ACTR3C: variants seen among roughly 807,000 people sequenced by gnomAD.
ACTR3C encodes the protein actin related protein 3C.
Under a neutral mutation model 26.3 loss-of-function variants are expected in ACTR3C, and 18 were observed. The ratio of observed to expected loss-of-function variants is 0.68; its 90% CI spans 0.47 to 1.01. The LOEUF is 1.01. ACTR3C is among the 50% of genes least tolerant of loss of function. ACTR3C has a pLI of 0.00. For synonymous variants in ACTR3C, 55 were observed against 94.5 expected (o/e 0.58, Z 2.42); for missense variants, 184 against 250.7 (o/e 0.73, Z 1.80).
chr7:150,229,370 T>C, the ACTR3C span, among the ~76,000 whole-genome samples: 1 of 152,216 alleles, frequency 6.6e-6, no homozygotes, highest in Non-Finnish European at 1.5e-5. Flanking sequence ...ATTCCTAATT[T>C]TCTGAAAGTT....
intron 6 of ACTR3C, among the ~76,000 whole-genome samples, chr7:150,270,802 C>A (rs150940791): frequency 0.15 from 22,118 of 149,348 alleles, 1,431 homozygotes; most frequent in South Asian, 0.28. Flanking sequence ...CACTGCTCAC[C>A]GTCTAGCTGC....
At chr7:150,036,853 G>A in the ACTR3C span, among the ~76,000 whole-genome samples, 2 of 122,116 alleles carry the variant, frequency 1.6e-5, no homozygotes, top group African/African-American at 5.8e-5. Context: ...ACGATGGGGG[G>A]TCCTAAGCCA....
At chr7:150,048,399 C>T in the ACTR3C span, among the ~76,000 whole-genome samples, 25 of 152,018 alleles carry the variant, frequency 1.6e-4, no homozygotes, top group Non-Finnish European at 8.8e-5. Context: ...GTTGGCAGCC[C>T]GGAGAGGGCA....
At chr7:150,229,216 T>C in the ACTR3C span, among the ~76,000 whole-genome samples, 2 of 151,878 alleles carry the variant, frequency 1.3e-5, no homozygotes, top group Non-Finnish European at 2.9e-5. Context: ...AATTCCTGTA[T>C]GATGTTGAAT....
chr7:150,043,062 C>T, the ACTR3C span, among the ~76,000 whole-genome samples: 1 of 150,886 alleles, frequency 6.6e-6, no homozygotes, highest in Non-Finnish European at 1.5e-5. Context: ...CCCACAGCTC[C>T]TAAGAATTCT....
In ACTR3C at chr7:150,293,346, T is replaced by G; in HGVS notation, c.119A>C (p.Asp40Ala). 1 of 1,603,370 alleles carries G rather than the reference T, an allele frequency of 6.2e-7. No homozygotes were observed. The highest frequency in any genetic ancestry group is 8.5e-7 in the Non-Finnish European group (1 of 1,173,972). Residue 40 changes from aspartate to alanine, a missense_variant, in exon 3 of 8, where the codon GAC becomes GCC. By Grantham distance (126) the Asp-to-Ala change is moderately radical. Coordinates refer to ENST00000683684, the MANE Select transcript of ACTR3C (RefSeq NM_001164458.2). ...GERTLTGIVIDSGDGVTHVIP... is the reference protein window; with the variant it reads ...GERTLTGIVIASGDGVTHVIP... Reference sequence around the variant, plus strand: ...AACATGGGTGACTCCATCTCCGCTGTCAATGACTATCCCCGTTAATGTACG... The same window carrying G: ...AACATGGGTGACTCCATCTCCGCTGGCAATGACTATCCCCGTTAATGTACG...
the ACTR3C span, among the ~76,000 whole-genome samples, chr7:149,972,588 G>A: frequency 1.6e-3 from 241 of 152,082 alleles, 1 homozygote; most frequent in African/African-American, 5.3e-3. Context: ...CCCTGCTCCC[G>A]CTCTCCACCC....
At chr7:150,141,998 T>C in the ACTR3C span, among the ~76,000 whole-genome samples, 1 of 152,298 alleles carries the variant, frequency 6.6e-6, no homozygotes, top group South Asian at 2.1e-4. Context: ...TGTCTGTTCC[T>C]GCTGTCCTCC....
the ACTR3C span, among the ~76,000 whole-genome samples, chr7:150,006,256 G>A: frequency 1.5e-5 from 2 of 136,902 alleles, no homozygotes; most frequent in South Asian, 2.3e-4. Flanking sequence ...GAGTGCAGTG[G>A]CGCAATCTCG....
the ACTR3C span, among the ~76,000 whole-genome samples, chr7:150,203,894 G>A: frequency 2.6e-5 from 4 of 152,060 alleles, no homozygotes; most frequent in African/African-American, 9.7e-5. Flanking sequence ...GTTAAAAGCT[G>A]TAAAAATGGT....
At chr7:149,978,515 T>C in the ACTR3C span, among the ~76,000 whole-genome samples, 1 of 152,090 alleles carries the variant, frequency 6.6e-6, no homozygotes, top group East Asian at 1.9e-4. Context: ...TACGGGTGTC[T>C]ACCTAAAAGC....
At chr7:150,061,219 T>C in the ACTR3C span, among the ~76,000 whole-genome samples, 1 of 69,704 alleles carries the variant, frequency 1.4e-5, no homozygotes, top group Non-Finnish European at 2.8e-5. Flanking sequence ...AGAAAGAGGC[T>C]ATGCTGTGAT....
chr7:150,232,985 T>C, the ACTR3C span, among the ~76,000 whole-genome samples: 27,586 of 152,042 alleles, frequency 0.18, 4,266 homozygotes, highest in African/African-American at 0.41. Context: ...TTTAAATAGT[T>C]ATTTTTAGAT....
the ACTR3C span, among the ~76,000 whole-genome samples, chr7:150,039,875 C>T: frequency 4.1e-4 from 49 of 119,846 alleles, no homozygotes; most frequent in African/African-American, 1.3e-3. Context: ...AAGAGGGGCT[C>T]GCTCTCAGTC....
At chr7:150,077,329 A>T in the ACTR3C span, among the ~76,000 whole-genome samples, 1 of 152,236 alleles carries the variant, frequency 6.6e-6, no homozygotes, top group Non-Finnish European at 1.5e-5. Context: ...GTGTGCACAC[A>T]AGAAACATTT....
At chr7:150,158,732 A>C in the ACTR3C span, among the ~76,000 whole-genome samples, 1 of 152,200 alleles carries the variant, frequency 6.6e-6, no homozygotes, top group African/African-American at 2.4e-5. Context: ...AATGTATATA[A>C]CACTGTATTG....
chr7:150,046,448 A>ACTCAGTGC, the ACTR3C span, among the ~76,000 whole-genome samples: 2 of 149,886 alleles, frequency 1.3e-5, no homozygotes, highest in African/African-American at 2.5e-5. Context: ...AAAACCACCT[A>ACTCAGTGC]CTCAGTGCCG....
the ACTR3C span, among the ~76,000 whole-genome samples, chr7:150,225,857 C>T: frequency 3.3e-5 from 5 of 152,328 alleles, no homozygotes; most frequent in Non-Finnish European, 7.3e-5. Context: ...TTCTGAGCTT[C>T]ACCTATTCAC....
chr7:150,043,403 G>T, the ACTR3C span, among the ~76,000 whole-genome samples: 1 of 152,050 alleles, frequency 6.6e-6, no homozygotes, highest in Non-Finnish European at 1.5e-5. Context: ...ACCACGAAAT[G>T]GGAGGCCTTT....
Sources: gnomAD v4.1 joint callset for allele counts (sites outside exome capture counted in the v4.1 genomes callset) on GRCh38, gnomAD v4.1.1 for gene constraint, MANE v1.5 for transcripts, NCBI Gene and HGNC (gene_info 2026-07-23, HGNC 2026-07-21) for gene names.